Variants in NFIB observed in about 807,000 individuals in gnomAD.
NFIB encodes the protein nuclear factor 1 B-type.
In NFIB, 11 loss-of-function variants were observed where a neutral mutation model predicts 61.5. The ratio of observed to expected loss-of-function variants is 0.18; its 90% CI spans 0.11 to 0.30. The LOEUF is 0.30. NFIB is among the 10% of genes least tolerant of loss of function. The pLI, the probability that NFIB is intolerant of heterozygous loss-of-function variation, is 1.00. For missense variants in NFIB, 471 were observed against 608.9 expected (o/e 0.77, Z 2.38); for synonymous variants, 260 against 216.5 (o/e 1.20, Z -1.76).
chr9:14,330,392 T>C (rs890899055), intron 1 of NFIB, among the ~76,000 whole-genome samples: 3 of 152,184 alleles, frequency 2.0e-5, no homozygotes, highest in African/African-American at 7.2e-5. Context: ...TTCCGATCAC[T>C]AAATCAGAAC....
chr9:14,299,801 C>T (rs562069800), intron 2 of NFIB, among the ~76,000 whole-genome samples: 1 of 152,122 alleles, frequency 6.6e-6, no homozygotes, highest in Non-Finnish European at 1.5e-5. Context: ...TTACTATAAA[C>T]AATATAGTTA....
At chr9:14,128,939 T>G (rs2040049663) in intron 6 of NFIB, among the ~76,000 whole-genome samples, 1 of 152,220 alleles carries the variant, frequency 6.6e-6, no homozygotes, top group Non-Finnish European at 1.5e-5. Flanking sequence ...ATATAAATTT[T>G]AAGAAGCAAA....
At chr9:14,157,129 T>G (rs927412788) in intron 3 of NFIB, among the ~76,000 whole-genome samples, 1 of 152,144 alleles carries the variant, frequency 6.6e-6, no homozygotes, top group Non-Finnish European at 1.5e-5. Context: ...TTGTTACTAC[T>G]GGAGATAAAA....
chr9:14,499,935 G>A, the NFIB span, among the ~76,000 whole-genome samples: 1 of 152,162 alleles, frequency 6.6e-6, no homozygotes, highest in African/African-American at 2.4e-5. Context: ...CGATAATTTG[G>A]TTAATGAGTG....
At chr9:14,230,064 C>T (rs907966082) in intron 2 of NFIB, among the ~76,000 whole-genome samples, 129 of 152,276 alleles carry the variant, frequency 8.5e-4, no homozygotes, top group Admixed American at 5.0e-3. Flanking sequence ...CTTAGCCTCC[C>T]AATGTGCTGA....
chr9:14,089,135 C>G (rs7023288), intron 10 of NFIB, among the ~76,000 whole-genome samples: 12,486 of 152,032 alleles, frequency 0.082, 1,715 homozygotes, highest in African/African-American at 0.28. Context: ...GAGAGAGCCA[C>G]AGCTTTTCCT....
chr9:14,159,157 G>A (rs949540482), intron 3 of NFIB, among the ~76,000 whole-genome samples: 4 of 152,146 alleles, frequency 2.6e-5, no homozygotes, highest in Non-Finnish European at 5.9e-5. Context: ...TGGGAAGACA[G>A]TCAGGCAGTC....
chr9:14,227,753 A>G (rs2052614281), intron 2 of NFIB, among the ~76,000 whole-genome samples: 1 of 152,284 alleles, frequency 6.6e-6, no homozygotes, highest in East Asian at 1.9e-4. Flanking sequence ...TACTATCATC[A>G]ACTCCATCTT....
chr9:14,512,269 G>A, the NFIB span, among the ~76,000 whole-genome samples: 1 of 152,072 alleles, frequency 6.6e-6, no homozygotes, highest in East Asian at 1.9e-4. Context: ...CTTTTAGAGG[G>A]GTTCAGAGTA....
intron 2 of NFIB, among the ~76,000 whole-genome samples, chr9:14,253,378 C>T (rs1341618638): frequency 6.6e-6 from 1 of 152,100 alleles, no homozygotes; most frequent in Non-Finnish European, 1.5e-5. Flanking sequence ...TCACAGTTCT[C>T]GAGATGATTG....
chr9:14,461,477 C>T, the NFIB span, among the ~76,000 whole-genome samples: 5 of 152,214 alleles, frequency 3.3e-5, no homozygotes, highest in Non-Finnish European at 5.9e-5. Flanking sequence ...CTATCAGCAG[C>T]AGGCAGGAGT....
At chr9:14,508,661 G>GA in the NFIB span, among the ~76,000 whole-genome samples, 1 of 152,192 alleles carries the variant, frequency 6.6e-6, no homozygotes, top group Admixed American at 6.5e-5. Flanking sequence ...GCCCGAATGG[G>GA]ATGTGGTGCT....
intron 2 of NFIB, among the ~76,000 whole-genome samples, chr9:14,196,162 G>A (rs187593398): frequency 2.6e-5 from 4 of 152,014 alleles, no homozygotes; most frequent in Admixed American, 2.0e-4. Flanking sequence ...CATTCATTAA[G>A]CATCAAGACA....
intron 2 of NFIB, among the ~76,000 whole-genome samples, chr9:14,216,263 A>G (rs1033717694): frequency 6.6e-6 from 1 of 152,180 alleles, no homozygotes; most frequent in Non-Finnish European, 1.5e-5. Flanking sequence ...TCATGTGCAA[A>G]GAAATACAAT....
chr9:14,280,604 A>T (rs1275331547), intron 2 of NFIB, among the ~76,000 whole-genome samples: 1 of 152,188 alleles, frequency 6.6e-6, no homozygotes, highest in Non-Finnish European at 1.5e-5. Flanking sequence ...CAATTCATTG[A>T]CTAGTCTTCT....
At chr9:14,165,328 C>A (rs542401564) in intron 3 of NFIB, among the ~76,000 whole-genome samples, 1 of 151,960 alleles carries the variant, frequency 6.6e-6, no homozygotes, top group Admixed American at 6.6e-5. Flanking sequence ...CCTCTCTCAT[C>A]GAAACAAAAC....
chr9:14,501,986 G>A, the NFIB span, among the ~76,000 whole-genome samples: 1 of 152,216 alleles, frequency 6.6e-6, no homozygotes, highest in African/African-American at 2.4e-5. Context: ...GCTGGCCAGG[G>A]AGAGAAGATT....
At chr9:14,244,443 C>T (rs1391037803) in intron 2 of NFIB, among the ~76,000 whole-genome samples, 1 of 152,158 alleles carries the variant, frequency 6.6e-6, no homozygotes, top group Non-Finnish European at 1.5e-5. Context: ...ATGAAACTTA[C>T]CCACATACTT....
At chr9:14,356,186 C>G (rs2061174354) in intron 1 of NFIB, among the ~76,000 whole-genome samples, 1 of 152,094 alleles carries the variant, frequency 6.6e-6, no homozygotes, top group East Asian at 1.9e-4. Context: ...CTTTTTGTCA[C>G]TAACTGGATT....
Sources: gnomAD v4.1 joint callset for allele counts (sites outside exome capture counted in the v4.1 genomes callset) on GRCh38, gnomAD v4.1.1 for gene constraint, MANE v1.5 for transcripts, NCBI Gene and HGNC (gene_info 2026-07-23, HGNC 2026-07-21) for gene names.